Variants in MTA3 observed in about 807,000 individuals in gnomAD.
The protein encoded by MTA3 is metastasis-associated protein MTA3.
MTA3 carries 34 observed loss-of-function variants against 83.5 expected under a neutral mutation model. That is an observed-to-expected ratio of 0.41 (90% CI 0.31 to 0.54). The LOEUF (loss-of-function observed/expected upper bound fraction) is 0.54. Ranked by LOEUF, MTA3 falls within the 20% of genes least tolerant of loss-of-function variation. The pLI, the probability that MTA3 is intolerant of heterozygous loss-of-function variation, is 0.33. For missense variants in MTA3, 761 were observed against 726.4 expected, an observed-to-expected ratio of 1.05 and a Z score of -0.55; for synonymous variants, 303 against 252.7, an observed-to-expected ratio of 1.20 and a Z score of -1.89.
chr2:42,712,944 A>G (rs886100892), intron 14 of MTA3: 1 of 152,014 alleles, frequency 6.6e-6, no homozygotes, highest in Non-Finnish European at 1.5e-5. Context: ...TTCCTCTGTT[A>G]TTGTCATCAG....
At chr2:42,667,280 AATGT>A (rs775143035) in intron 8 of MTA3, among the ~76,000 whole-genome samples, 7 of 152,078 alleles carry the variant, frequency 4.6e-5, no homozygotes, top group Non-Finnish European at 8.8e-5. Flanking sequence ...ACCATTTTTA[AATGT>A]ATTAAGTAGA....
intron 3 of MTA3, among the ~76,000 whole-genome samples, chr2:42,597,046 A>G (rs1681878595): frequency 6.6e-6 from 1 of 151,794 alleles, no homozygotes; most frequent in African/African-American, 2.4e-5. Context: ...CTGGGACAAC[A>G]GGAGCAAACT....
intron 4 of MTA3, among the ~76,000 whole-genome samples, chr2:42,613,278 G>T (rs1684444466): frequency 6.6e-6 from 1 of 152,188 alleles, no homozygotes; most frequent in African/African-American, 2.4e-5. Context: ...GAGTTTACCG[G>T]GTGGTAATTC....
At chr2:42,595,713 A>G (rs1264335525) in intron 3 of MTA3, among the ~76,000 whole-genome samples, 3 of 152,124 alleles carry the variant, frequency 2.0e-5, no homozygotes, top group South Asian at 2.1e-4. Context: ...GGGTATATAT[A>G]TATTTTTTCA....
At chr2:42,499,271 G>A (rs1199140112) in intron 2 of MTA3, among the ~76,000 whole-genome samples, 1 of 151,400 alleles carries the variant, frequency 6.6e-6, no homozygotes, top group Admixed American at 6.6e-5. Flanking sequence ...AGGTTCAAGC[G>A]ATTCTCCTGC....
chr2:42,656,143 G>A, intron 6 of MTA3, 57 bp from the exon 7 acceptor site: 1 of 1,257,660 alleles, frequency 8.0e-7, no homozygotes, highest in Non-Finnish European at 1.2e-6. Flanking sequence ...GTCATCAGTG[G>A]TATGAGACAG....
intron 2 of MTA3, among the ~76,000 whole-genome samples, chr2:42,556,578 C>T (rs1293648568): frequency 3.9e-5 from 6 of 152,196 alleles, no homozygotes. Context: ...GTCACTCCCT[C>T]CCTCAAGTCT....
At chr2:42,526,783 C>G (rs1675727119) in intron 2 of MTA3, among the ~76,000 whole-genome samples, 1 of 152,036 alleles carries the variant, frequency 6.6e-6, no homozygotes, top group African/African-American at 2.4e-5. Context: ...AGGCTGGGTA[C>G]AGTGGCTCAC....
chr2:42,567,323 T>C (rs1438837724), upstream of MTA3, among the ~76,000 whole-genome samples: 1 of 152,346 alleles, frequency 6.6e-6, no homozygotes, highest in East Asian at 1.9e-4. Flanking sequence ...TGCTTTATTT[T>C]TTATTTTTAT....
intron 3 of MTA3, among the ~76,000 whole-genome samples, chr2:42,607,899 C>T (rs561865972): frequency 2.0e-4 from 30 of 152,162 alleles, no homozygotes; most frequent in Middle Eastern, 3.4e-3. Flanking sequence ...TGCAGTGAGC[C>T]GAGATTGTGC....
intron 2 of MTA3, among the ~76,000 whole-genome samples, chr2:42,495,424 C>T (rs1674087066): frequency 6.6e-6 from 1 of 152,050 alleles, no homozygotes; most frequent in African/African-American, 2.4e-5. Context: ...AAATAGTTTG[C>T]TATTCAGTAT....
intron 4 of MTA3, among the ~76,000 whole-genome samples, 190 bp from the exon 5 acceptor site, chr2:42,639,983 A>G (rs533739544): frequency 1.3e-5 from 2 of 152,312 alleles, no homozygotes; most frequent in African/African-American, 2.4e-5. Context: ...ATGCCTATAA[A>G]GACAGCCTTA....
chr2:42,601,522 C>G (rs2104001555), intron 3 of MTA3, among the ~76,000 whole-genome samples: 1 of 152,342 alleles, frequency 6.6e-6, no homozygotes, highest in African/African-American at 2.4e-5. Context: ...AAGTGACCCT[C>G]TCGCTGGTGC....
At chr2:42,518,969 AC>A (rs1180915383) in intron 2 of MTA3, among the ~76,000 whole-genome samples, 3 of 68 alleles carry the variant, frequency 0.044, no homozygotes, top group Admixed American at 0.5. Flanking sequence ...CTTTCTCAAA[AC>A]ACACACACAC....
At chr2:42,636,481 G>A (rs1335117014) in intron 4 of MTA3, among the ~76,000 whole-genome samples, 1 of 152,058 alleles carries the variant, frequency 6.6e-6, no homozygotes, top group Admixed American at 6.6e-5. Context: ...GGTTGAGGCT[G>A]CAGTGAACTG....
chr2:42,588,587 A>G (rs1253070749), intron 3 of MTA3, among the ~76,000 whole-genome samples: 1 of 152,198 alleles, frequency 6.6e-6, no homozygotes, highest in Non-Finnish European at 1.5e-5. Context: ...TTTTTTAACA[A>G]GTCATTAGGG....
intron 4 of MTA3, among the ~76,000 whole-genome samples, chr2:42,637,250 C>T (rs1010001599): frequency 1.3e-5 from 2 of 152,080 alleles, no homozygotes; most frequent in African/African-American, 2.4e-5. Flanking sequence ...AAAAGTAGTA[C>T]GAGTGATTAT....
At chr2:42,610,412 C>A (rs951437351) in intron 4 of MTA3, among the ~76,000 whole-genome samples, 2 of 152,114 alleles carry the variant, frequency 1.3e-5, no homozygotes, top group Admixed American at 1.3e-4. Context: ...TGATAGCATA[C>A]AAATGTGCAG....
intron 9 of MTA3, among the ~76,000 whole-genome samples, chr2:42,683,966 A>C (rs1186410386): frequency 2.0e-5 from 3 of 152,150 alleles, no homozygotes; most frequent in African/African-American, 7.2e-5. Flanking sequence ...GGTATAATTG[A>C]CAAGTAGAAA....
Sources: allele counts gnomAD v4.1 joint callset (sites outside exome capture counted in the v4.1 genomes callset), GRCh38; gene constraint gnomAD v4.1.1; transcripts MANE v1.5; gene names NCBI Gene and HGNC (gene_info 2026-07-23, HGNC 2026-07-21).